The following EYA2 variants were observed in gnomAD, a reference collection of about 807,000 sequenced individuals.
EYA2 encodes protein phosphatase EYA2.
A neutral mutation model predicts 69.2 loss-of-function variants in EYA2; 31 were observed. The ratio of observed to expected loss-of-function variants is 0.45; its 90% CI spans 0.34 to 0.60. The LOEUF is 0.60. EYA2 is among the 20% of genes least tolerant of loss of function. The pLI is 0.02. For synonymous variants in EYA2, 257 were observed against 279.4 expected (o/e 0.92, Z 0.80); for missense variants, 622 against 701.2 (o/e 0.89, Z 1.28).
At chr20:46,906,255 C>T (rs1030804726) in intron 1 of EYA2, among the ~76,000 whole-genome samples, 2 of 152,192 alleles carry the variant, frequency 1.3e-5, no homozygotes, top group Non-Finnish European at 2.9e-5. Flanking sequence ...TTCAGAAACA[C>T]GAATCTGATG....
intron 10 of EYA2, among the ~76,000 whole-genome samples, chr20:47,157,316 T>C (rs2033971316): frequency 8.2e-6 from 1 of 121,866 alleles, no homozygotes; most frequent in Non-Finnish European, 1.6e-5. Context: ...ATTGCACAAC[T>C]GCACTCCAGC....
At chr20:46,969,605 A>G (rs957654053) in intron 1 of EYA2, among the ~76,000 whole-genome samples, 45 of 151,934 alleles carry the variant, frequency 3.0e-4, no homozygotes, top group African/African-American at 1.1e-3. Flanking sequence ...TGTTTTTACT[A>G]TGGCTTTGGT....
At chr20:46,922,109 C>T (rs546179173) in intron 1 of EYA2, among the ~76,000 whole-genome samples, 50 of 152,330 alleles carry the variant, frequency 3.3e-4, no homozygotes, top group African/African-American at 1.2e-3. Flanking sequence ...TTTCCTAACA[C>T]CTGTTCTAGT....
intron 8 of EYA2, 69 bp from the exon 9 acceptor site, chr20:47,097,016 T>A (rs2032266584): frequency 8.9e-7 from 1 of 1,128,352 alleles, no homozygotes; most frequent in African/African-American, 1.6e-5. Context: ...GGGAATGAAT[T>A]TCTGCAGACA....
rs865789845 is a variant in EYA2, at chr20:46,924,636, C to G, written c.-11+29649C>G. ...AGTGAGCCGAAATCGCGCCACTGCA[C>G]TCCAGCCTGGCCAATAGAGCGAGAC... On this transcript the variant is annotated intron_variant, in intron 1 of 15. Coordinates refer to ENST00000327619, the MANE Select transcript of EYA2 (RefSeq NM_005244.5). Among the ~76,000 whole-genome samples, 14 of 143,728 alleles carry G rather than the reference C, an allele frequency of 9.7e-5. 1 individual carries two copies. In the South Asian group the frequency reaches 3.1e-3, roughly 32 times the overall value. 94.3% of individuals were successfully genotyped at this position (143,728 alleles called of 152,430 possible). A position where few individuals can be genotyped will look rare whatever the true frequency, so the allele number is the denominator to read the frequency against.
chr20:47,079,216 CTG>C (rs527568360), intron 7 of EYA2, among the ~76,000 whole-genome samples: 278 of 152,288 alleles, frequency 1.8e-3, no homozygotes, highest in African/African-American at 6.4e-3. Context: ...TGTTTGGAGA[CTG>C]TATCAGTTTC....
intron 5 of EYA2, among the ~76,000 whole-genome samples, chr20:47,059,940 C>T (rs1425055609): frequency 6.6e-6 from 1 of 152,164 alleles, no homozygotes; most frequent in Non-Finnish European, 1.5e-5. Flanking sequence ...GAGATCACAA[C>T]CTGGAAGCCC....
At chr20:47,132,144 T>C (rs2033357668) in intron 9 of EYA2, among the ~76,000 whole-genome samples, 3 of 152,122 alleles carry the variant, frequency 2.0e-5, no homozygotes, top group Non-Finnish European at 2.9e-5. Flanking sequence ...AGATGAAGTC[T>C]TACTATGTTG....
intron 5 of EYA2, among the ~76,000 whole-genome samples, chr20:47,027,509 C>G (rs968477232): frequency 6.6e-6 from 1 of 152,190 alleles, no homozygotes; most frequent in African/African-American, 2.4e-5. Context: ...GGCTTGCTGC[C>G]TTTTGCTTGA....
intron 5 of EYA2, among the ~76,000 whole-genome samples, chr20:47,058,181 A>G (rs142886619): frequency 6.6e-6 from 1 of 152,384 alleles, no homozygotes; most frequent in East Asian, 1.9e-4. Flanking sequence ...CCAGAAGACA[A>G]CAAGCCCAAG....
At chr20:47,016,932 A>T (rs1983447584) in intron 5 of EYA2, among the ~76,000 whole-genome samples, 1 of 152,216 alleles carries the variant, frequency 6.6e-6, no homozygotes, top group Admixed American at 6.5e-5. Context: ...AGTCTATTGT[A>T]GAGACTCAGA....
At chr20:47,101,447 A>G (rs943455713) in intron 9 of EYA2, among the ~76,000 whole-genome samples, 8 of 152,134 alleles carry the variant, frequency 5.3e-5, no homozygotes, top group Non-Finnish European at 8.8e-5. Flanking sequence ...CTCTTATCCT[A>G]TTGGGCAGAA....
intron 1 of EYA2, among the ~76,000 whole-genome samples, chr20:46,922,048 G>C (rs996816274): frequency 7.2e-5 from 11 of 152,212 alleles, no homozygotes; most frequent in African/African-American, 2.4e-4. Context: ...TCAGTGAAGA[G>C]GGATTTGAGG....
At chr20:46,916,207 A>G (rs551764030) in intron 1 of EYA2, among the ~76,000 whole-genome samples, 2 of 152,268 alleles carry the variant, frequency 1.3e-5, no homozygotes, top group East Asian at 3.9e-4. Flanking sequence ...TTTTTAAGGC[A>G]GCATTAAACT....
At chr20:47,002,858 T>C (rs1982466757) in intron 3 of EYA2, among the ~76,000 whole-genome samples, 1 of 152,242 alleles carries the variant, frequency 6.6e-6, no homozygotes, top group Non-Finnish European at 1.5e-5. Context: ...GAGTTTCTTA[T>C]GCATTTTGCA....
At chr20:46,952,235 T>C (rs1978847205) in intron 1 of EYA2, among the ~76,000 whole-genome samples, 1 of 151,952 alleles carries the variant, frequency 6.6e-6, no homozygotes, top group South Asian at 2.1e-4. Flanking sequence ...CGTGGGCATG[T>C]CTGAAAGGAG....
At chr20:47,046,524 C>T (rs1600667310) in intron 5 of EYA2, among the ~76,000 whole-genome samples, 1 of 152,164 alleles carries the variant, frequency 6.6e-6, no homozygotes, top group East Asian at 1.9e-4. Context: ...GAATTCCCAG[C>T]CCTCATCCTA....
At chr20:46,945,235 A>G (rs3091611) in intron 1 of EYA2, among the ~76,000 whole-genome samples, 57,171 of 152,036 alleles carry the variant, frequency 0.38, 11,568 homozygotes, top group Non-Finnish European at 0.46. Flanking sequence ...ATACCTGCAT[A>G]GCAGAGGTAT....
At chr20:47,058,208 C>A (rs112523938) in intron 5 of EYA2, among the ~76,000 whole-genome samples, 45 of 152,344 alleles carry the variant, frequency 3.0e-4, no homozygotes, top group African/African-American at 1.1e-3. Flanking sequence ...TGTTTAGAAT[C>A]ATCGGTCATC....
Sources: gnomAD v4.1 joint callset for allele counts (sites outside exome capture counted in the v4.1 genomes callset) on GRCh38, gnomAD v4.1.1 for gene constraint, MANE v1.5 for transcripts, NCBI Gene and HGNC (gene_info 2026-07-23, HGNC 2026-07-21) for gene names.